The following GPHN variants were observed in gnomAD, a reference collection of about 807,000 sequenced individuals.
GPHN encodes the protein gephyrin.
Under a neutral mutation model 95.5 loss-of-function variants are expected in GPHN, and 17 were observed. The ratio of observed to expected loss-of-function variants is 0.18; its 90% CI spans 0.12 to 0.27. The LOEUF (loss-of-function observed/expected upper bound fraction) is 0.27, where lower values mean the gene tolerates loss of function less well. Among genes scored for constraint, GPHN ranks in the 10% least tolerant of loss-of-function variants. The pLI, the probability that GPHN is intolerant of heterozygous loss-of-function variation, is 1.00. For missense variants in GPHN, 660 were observed against 978.1 expected (o/e 0.67, Z 4.34); for synonymous variants, 320 against 322.5 (o/e 0.99, Z 0.08).
At chr14:66,563,870 T>C (rs2060360688) in intron 1 of GPHN, among the ~76,000 whole-genome samples, 1 of 152,214 alleles carries the variant, frequency 6.6e-6, no homozygotes, top group Non-Finnish European at 1.5e-5. Context: ...GTCTGGCTTT[T>C]CTTGCTTACT....
chr14:67,640,982 T>G, the GPHN span, among the ~76,000 whole-genome samples: 1 of 152,158 alleles, frequency 6.6e-6, no homozygotes, highest in African/African-American at 2.4e-5. Flanking sequence ...CACACTGTAT[T>G]AATGGTATGT....
the GPHN span, among the ~76,000 whole-genome samples, chr14:67,672,668 C>A: frequency 6.6e-6 from 1 of 151,544 alleles, no homozygotes; most frequent in Non-Finnish European, 1.5e-5. Flanking sequence ...GTCTTGAACT[C>A]CTGACCTCAA....
At chr14:66,518,252 A>G (rs1016407167) in intron 1 of GPHN, among the ~76,000 whole-genome samples, 7 of 152,162 alleles carry the variant, frequency 4.6e-5, no homozygotes, top group African/African-American at 1.7e-4. Flanking sequence ...AGCATCATTA[A>G]TCATCAGGAA....
chr14:66,513,590 A>C (rs1351411534), intron 1 of GPHN, among the ~76,000 whole-genome samples: 1 of 151,866 alleles, frequency 6.6e-6, no homozygotes, highest in Non-Finnish European at 1.5e-5. Context: ...TGAAAAAGAA[A>C]GTAGTGAAAC....
intron 18 of GPHN, among the ~76,000 whole-genome samples, chr14:67,143,761 C>G (rs566343513): frequency 1.3e-5 from 2 of 152,108 alleles, no homozygotes; most frequent in South Asian, 4.2e-4. Context: ...TATTTACCAC[C>G]AGGGTAAAAC....
chr14:66,763,072 A>G (rs775055630), intron 2 of GPHN, among the ~76,000 whole-genome samples: 1 of 152,282 alleles, frequency 6.6e-6, no homozygotes, highest in African/African-American at 2.4e-5. Flanking sequence ...TTACATGCAT[A>G]CTATATACTG....
intron 3 of GPHN, among the ~76,000 whole-genome samples, chr14:66,812,082 A>G (rs987444667): frequency 3.3e-5 from 5 of 152,180 alleles, no homozygotes; most frequent in Admixed American, 6.5e-5. Flanking sequence ...TGGGAAAACT[A>G]TAGCTACATT....
intron 2 of GPHN, among the ~76,000 whole-genome samples, chr14:66,697,975 C>T (rs1460399991): frequency 6.6e-6 from 1 of 152,080 alleles, no homozygotes; most frequent in Non-Finnish European, 1.5e-5. Context: ...GAATGAGCCA[C>T]TGTGCCCAGC....
chr14:66,534,922 G>A (rs1179734069), intron 1 of GPHN, among the ~76,000 whole-genome samples: 8 of 152,008 alleles, frequency 5.3e-5, no homozygotes, highest in Non-Finnish European at 1.2e-4. Context: ...CCCAGTCTGA[G>A]GCTAGTCATT....
chr14:67,084,923 G>C (rs1010419311), intron 11 of GPHN, among the ~76,000 whole-genome samples: 12 of 152,206 alleles, frequency 7.9e-5, no homozygotes, highest in African/African-American at 2.7e-4. Flanking sequence ...CTGGACATTT[G>C]TCAGAAATAA....
At chr14:67,639,061 T>C in the GPHN span, among the ~76,000 whole-genome samples, 1 of 152,234 alleles carries the variant, frequency 6.6e-6, no homozygotes, top group Non-Finnish European at 1.5e-5. Context: ...TTCTAGCACC[T>C]GTAATGAGAG....
intron 11 of GPHN, among the ~76,000 whole-genome samples, chr14:67,073,806 G>T (rs2076397023): frequency 1.3e-5 from 2 of 152,094 alleles, no homozygotes; most frequent in African/African-American, 4.8e-5. Flanking sequence ...ATGGAAAAAA[G>T]TGCACAACAC....
chr14:67,131,159 A>T (rs1391820837), intron 17 of GPHN, among the ~76,000 whole-genome samples: 1 of 152,132 alleles, frequency 6.6e-6, no homozygotes, highest in African/African-American at 2.4e-5. Flanking sequence ...AGAACTTAGT[A>T]AGATATTGGT....
intron 11 of GPHN, among the ~76,000 whole-genome samples, chr14:67,078,582 G>A (rs951774513): frequency 1.3e-5 from 2 of 152,116 alleles, no homozygotes; most frequent in Admixed American, 6.6e-5. Context: ...GTATCTGTAC[G>A]AATGCAAGAG....
At chr14:67,692,556 C>T in the GPHN span, 2 of 1,607,894 alleles carry the variant, frequency 1.2e-6, no homozygotes, top group East Asian at 2.2e-5. Flanking sequence ...CCAATTCCCC[C>T]TTTTCCACAT....
At chr14:67,123,630 C>G (rs1011996998) in intron 17 of GPHN, among the ~76,000 whole-genome samples, 3 of 152,028 alleles carry the variant, frequency 2.0e-5, no homozygotes, top group Non-Finnish European at 2.9e-5. Context: ...GAGCTGAGAT[C>G]GTAACACTGC....
chr14:67,254,960 C>A, the GPHN span, among the ~76,000 whole-genome samples: 1 of 152,170 alleles, frequency 6.6e-6, no homozygotes, highest in Non-Finnish European at 1.5e-5. Flanking sequence ...ACCATCCTAG[C>A]CAACATGGTG....
chr14:67,527,807 A>G, the GPHN span, among the ~76,000 whole-genome samples: 3 of 152,234 alleles, frequency 2.0e-5, no homozygotes, highest in Admixed American at 1.3e-4. Context: ...ATGTCCTCAG[A>G]TTGCGGAGCA....
At chr14:66,926,787 A>G (rs1413379579) in intron 8 of GPHN, among the ~76,000 whole-genome samples, 1 of 151,920 alleles carries the variant, frequency 6.6e-6, no homozygotes, top group Non-Finnish European at 1.5e-5. Flanking sequence ...TGTTTCTGTG[A>G]AGGTATTTTG....
Sources: allele counts gnomAD v4.1 joint callset (sites outside exome capture counted in the v4.1 genomes callset), GRCh38; gene constraint gnomAD v4.1.1; transcripts MANE v1.5; gene names NCBI Gene and HGNC (gene_info 2026-07-23, HGNC 2026-07-21).